The following PRSS12 variants were observed in gnomAD, a reference collection of about 807,000 sequenced individuals.
PRSS12 encodes serine protease 12, also known as neurotrypsin.
In PRSS12, 85 loss-of-function variants were observed where a neutral mutation model predicts 104.4. That is an observed-to-expected ratio of 0.81 (90% CI 0.68 to 0.98). The LOEUF (loss-of-function observed/expected upper bound fraction) is 0.98, where lower values mean the gene tolerates loss of function less well. Ranked by LOEUF, PRSS12 falls within the 50% of genes least tolerant of loss-of-function variation. The pLI is 0.00. For synonymous variants in PRSS12, 454 were observed against 425.2 expected (o/e 1.07, Z -0.83); for missense variants, 1,141 against 1,139.2 (o/e 1.00, Z -0.02).
At chr4:118,318,612 T>C in intron 4 of PRSS12, 56 bp from the exon 5 acceptor site, 2 of 1,550,798 alleles carry the variant, frequency 1.3e-6, no homozygotes, top group Non-Finnish European at 1.8e-6. Context: ...ATTGGTCTTT[T>C]ATTTTTTTTT....
chr4:118,338,296 C>T lies in PRSS12; in HGVS notation c.521G>A (p.Gly174Asp), dbSNP rs1238291893. 2 of 1,613,962 alleles carry T rather than the reference C, an allele frequency of 1.2e-6. No homozygotes were observed. Among genetic ancestry groups the T allele is most frequent in the East Asian group, 2.2e-5 (1 of 44,888 alleles). Reference protein sequence around the residue: ...DCRHGSVRLRGGKNEFEGTVE... With the variant: ...DCRHGSVRLRDGKNEFEGTVE... Reference sequence around the variant, plus strand: ...TGTGCCTTCAAACTCATTTTTGCCGCCACGAAGTCGTACTGATCCTAAAGT... The same window carrying T: ...TGTGCCTTCAAACTCATTTTTGCCGTCACGAAGTCGTACTGATCCTAAAGT... Residue 174 changes from glycine to aspartate, a missense_variant, in exon 2 of 13, where the codon GGC becomes GAC. Coordinates refer to ENST00000296498, the MANE Select transcript of PRSS12 (RefSeq NM_003619.4).
intron 4 of PRSS12, among the ~76,000 whole-genome samples, chr4:118,322,814 G>C (rs531071425): frequency 5.9e-5 from 9 of 152,048 alleles, no homozygotes; most frequent in African/African-American, 1.4e-4. Context: ...CTATGCCCTA[G>C]AGGAGAGGTC....
chr4:118,292,279 T>C (rs1262585881), intron 11 of PRSS12, among the ~76,000 whole-genome samples: 1 of 152,150 alleles, frequency 6.6e-6, no homozygotes, highest in Non-Finnish European at 1.5e-5. Context: ...CACTTATTCT[T>C]CCCCATCATC....
intron 4 of PRSS12, among the ~76,000 whole-genome samples, chr4:118,320,189 T>C (rs993346752): frequency 6.6e-6 from 1 of 152,184 alleles, no homozygotes. Flanking sequence ...ATTTTTAGTT[T>C]GTTTTTCAAT....
At chr4:118,299,784 T>TA (rs1210616466) in intron 8 of PRSS12, among the ~76,000 whole-genome samples, 3 of 89,038 alleles carry the variant, frequency 3.4e-5, no homozygotes, top group Non-Finnish European at 7.4e-5. Flanking sequence ...TAAAATAAAA[T>TA]AAAATAAAAT....
chr4:118,346,962 C>T (rs1485067889), intron 1 of PRSS12, among the ~76,000 whole-genome samples: 1 of 151,950 alleles, frequency 6.6e-6, no homozygotes, highest in Non-Finnish European at 1.5e-5. Flanking sequence ...CATGCGTGTG[C>T]ATGCATGCAC....
At chr4:118,347,056 G>T (rs535983759) in intron 1 of PRSS12, among the ~76,000 whole-genome samples, 9 of 151,442 alleles carry the variant, frequency 5.9e-5, no homozygotes, top group Non-Finnish European at 1.0e-4. Flanking sequence ...CAATAGTAAC[G>T]GGATATCTTA....
intron 2 of PRSS12, 22 bp downstream of exon 2, chr4:118,338,154 G>A (rs763232373): frequency 1.2e-6 from 2 of 1,613,704 alleles, no homozygotes; most frequent in Non-Finnish European, 1.7e-6. Flanking sequence ...TGACTGATTT[G>A]GTCAGGGATG....
Position 118,313,213 on chromosome 4 carries a change from T to C in PRSS12, c.1477A>G (p.Arg493Gly), listed in dbSNP as rs746899953. The change falls in exon 7 of 13, where the codon AGG becomes GGG. Residue 493 changes from arginine (R) to glycine (G), a missense_variant. Transcript: ENST00000296498. Reference sequence around the variant, plus strand: ...AGCCAGTCCTCACCCAGAGAGAGCCTGTGTCCCTCGCCGCCAGGGTAGCAG... The same window carrying C: ...AGCCAGTCCTCACCCAGAGAGAGCCCGTGTCCCTCGCCGCCAGGGTAGCAG... ...IACYPGGEGHRLSLGFPVRLM... is the reference protein window; with the variant it reads ...IACYPGGEGHGLSLGFPVRLM... The C allele has an allele frequency of 3.7e-5, 59 of 1,613,286 alleles. No homozygotes were observed. The highest frequency in any genetic ancestry group is 4.9e-5 in the Non-Finnish European group (58 of 1,179,892).
chr4:118,327,909 C>A (rs1401324514), intron 4 of PRSS12, among the ~76,000 whole-genome samples: 1 of 152,124 alleles, frequency 6.6e-6, no homozygotes, highest in African/African-American at 2.4e-5. Flanking sequence ...TATACAGACA[C>A]CATTAAAAGA....
At chr4:118,333,451 G>C (rs1284084619) in intron 3 of PRSS12, among the ~76,000 whole-genome samples, 1 of 152,158 alleles carries the variant, frequency 6.6e-6, no homozygotes, top group African/African-American at 2.4e-5. Flanking sequence ...ATTTAGATTA[G>C]TGACTATCTG....
At chr4:118,333,700 A>G (rs1340091503) in intron 3 of PRSS12, among the ~76,000 whole-genome samples, 1 of 152,170 alleles carries the variant, frequency 6.6e-6, no homozygotes, top group African/African-American at 2.4e-5. Context: ...AAAGTTGAAA[A>G]CCATCTAGGA....
At chr4:118,321,126 AAC>A in intron 4 of PRSS12, among the ~76,000 whole-genome samples, 1 of 152,336 alleles carries the variant, frequency 6.6e-6, no homozygotes, top group South Asian at 2.1e-4. Flanking sequence ...TTGGAGTCCT[AAC>A]ACAAAGGAAT....
intron 1 of PRSS12, among the ~76,000 whole-genome samples, chr4:118,351,319 G>C (rs972500461): frequency 6.6e-6 from 1 of 151,558 alleles, no homozygotes; most frequent in East Asian, 1.9e-4. Flanking sequence ...CAAACTTTGA[G>C]GATATTTTTT....
Position 118,313,208 on chromosome 4 carries a change from G to A in PRSS12, c.1482C>T (p.Leu494=). ...ACYPGGEGHR[L]SLGFPVRLMD... Reference sequence around the variant, plus strand: ...GCTGCAGCCAGTCCTCACCCAGAGAGAGCCTGTGTCCCTCGCCGCCAGGGT... The same window carrying A: ...GCTGCAGCCAGTCCTCACCCAGAGAAAGCCTGTGTCCCTCGCCGCCAGGGT... The change falls in exon 7 of 13, where the codon CTC becomes CTT. Residue 494 remains leucine (L), a synonymous_variant. Transcript: ENST00000296498. 6.2e-7 allele frequency: 1 copy of A among 1,613,196 alleles called. No individual in the cohort carries two copies. Among genetic ancestry groups the A allele is most frequent in the Non-Finnish European group, 8.5e-7 (1 of 1,179,850 alleles).
chr4:118,298,518 G>T (rs1218284478), intron 9 of PRSS12, among the ~76,000 whole-genome samples: 1 of 152,128 alleles, frequency 6.6e-6, no homozygotes, highest in Non-Finnish European at 1.5e-5. Flanking sequence ...AGATTACAAG[G>T]CCCCGTAAAT....
chr4:118,318,362 G>T lies in PRSS12; in HGVS notation c.1150+16C>A. 2 of 1,613,228 alleles carry T rather than the reference G, an allele frequency of 1.2e-6. No homozygotes were observed. Among genetic ancestry groups the T allele is most frequent in the Non-Finnish European group, 1.7e-6 (2 of 1,179,442 alleles). ...TGGGGGCAAGAACTGGTACACTAAT[G>T]GAGTGAAATCCTTACCTGTTAGAGG... On this transcript the variant is annotated intron_variant, in intron 5 of 12. Transcript: ENST00000296498.
Position 118,282,890 on chromosome 4 carries a change from C to T in PRSS12, c.2261G>A (p.Trp754Ter). 6.2e-7 allele frequency: 1 copy of T among 1,614,182 alleles called. No homozygotes were observed. The highest frequency in any genetic ancestry group is 8.5e-7 in the Non-Finnish European group (1 of 1,180,034). ...TGCTGTTTTCTGTGGCCTCTCTCTC[C>T]AGAGTGGTAAACAGGCTGGCAAAAC... ...SHVLPACLPL[W>*]RERPQKTASN... Residue 754 changes from tryptophan (W) to a stop codon, truncating the protein, a stop_gained, in exon 12 of 13, where the codon TGG (tryptophan) becomes TAG (stop). Coordinates refer to ENST00000296498, the MANE Select transcript of PRSS12 (RefSeq NM_003619.4). LOFTEE classifies it high-confidence loss of function.
chr4:118,319,298 C>T (rs1723545717), intron 4 of PRSS12, among the ~76,000 whole-genome samples: 1 of 152,032 alleles, frequency 6.6e-6, no homozygotes, highest in South Asian at 2.1e-4. Context: ...GAAATCCTGG[C>T]CTCAAGCAAT....
Sources: allele counts gnomAD v4.1 joint callset (sites outside exome capture counted in the v4.1 genomes callset), GRCh38; gene constraint gnomAD v4.1.1; transcripts MANE v1.5; gene names NCBI Gene and HGNC (gene_info 2026-07-23, HGNC 2026-07-21).